The following MOB3B variants were observed in gnomAD, a reference collection of about 807,000 sequenced individuals.
MOB3B encodes the protein MOB kinase activator-like 2B.
MOB3B carries 7 observed loss-of-function variants against 18.7 expected under a neutral mutation model. The observed-to-expected ratio is 0.37, with a 90% CI of 0.21 to 0.70. The LOEUF (loss-of-function observed/expected upper bound fraction) is 0.70. Ranked by LOEUF, MOB3B falls within the 30% of genes least tolerant of loss-of-function variation. The pLI is 0.52. For missense variants in MOB3B, 253 were observed against 281.3 expected (o/e 0.90, Z 0.72); for synonymous variants, 111 against 99.9 (o/e 1.11, Z -0.66).
At chr9:27,485,129 A>G (rs577047362) in intron 1 of MOB3B, among the ~76,000 whole-genome samples, 1 of 152,368 alleles carries the variant, frequency 6.6e-6, no homozygotes, top group South Asian at 2.1e-4. Context: ...TATCAATAAC[A>G]ACAAGGATCA....
At chr9:27,474,818 T>G (rs186691975) in intron 1 of MOB3B, among the ~76,000 whole-genome samples, 3 of 152,356 alleles carry the variant, frequency 2.0e-5, no homozygotes, top group African/African-American at 7.2e-5. Context: ...TGTTAAAACA[T>G]GCGTACTTTT....
At chr9:27,449,707 G>A (rs890020176) in intron 2 of MOB3B, among the ~76,000 whole-genome samples, 5 of 152,134 alleles carry the variant, frequency 3.3e-5, no homozygotes, top group South Asian at 2.1e-4. Context: ...GGGAGATGTC[G>A]CTCATTATCT....
chr9:27,357,492 T>C (rs1343224737), intron 3 of MOB3B, among the ~76,000 whole-genome samples: 1 of 151,816 alleles, frequency 6.6e-6, no homozygotes, highest in Non-Finnish European at 1.5e-5. Context: ...AGGTATCAGA[T>C]AACTAGGAAT....
At chr9:27,359,275 G>A in intron 2 of MOB3B, 39 bp from the exon 3 acceptor site, 1 of 1,567,992 alleles carries the variant, frequency 6.4e-7, no homozygotes. Context: ...AAACCATGAT[G>A]GGATAGATCC....
At chr9:27,406,343 T>C (rs187933315) in intron 2 of MOB3B, among the ~76,000 whole-genome samples, 301 of 152,276 alleles carry the variant, frequency 2.0e-3, no homozygotes, top group Middle Eastern at 3.4e-3. Context: ...ATGCAATCCC[T>C]GTCATAACAC....
At chr9:27,515,558 T>C (rs2131503607) in intron 1 of MOB3B, among the ~76,000 whole-genome samples, 1 of 152,340 alleles carries the variant, frequency 6.6e-6, no homozygotes, top group East Asian at 1.9e-4. Context: ...TTAATAATTG[T>C]TAAATTAAAC....
chr9:27,503,355 G>A (rs1001419642), intron 1 of MOB3B, among the ~76,000 whole-genome samples: 10 of 152,284 alleles, frequency 6.6e-5, no homozygotes, highest in African/African-American at 9.6e-5. Context: ...CCAAATGCCC[G>A]AAAAGGGCAA....
chr9:27,437,958 A>C (rs990050473), intron 2 of MOB3B, among the ~76,000 whole-genome samples: 1 of 152,240 alleles, frequency 6.6e-6, no homozygotes, highest in Admixed American at 6.5e-5. Context: ...TCTCAAATGA[A>C]GGAGAAAGAC....
chr9:27,422,495 AT>A (rs1246438354), intron 2 of MOB3B, among the ~76,000 whole-genome samples: 5 of 152,364 alleles, frequency 3.3e-5, no homozygotes, highest in African/African-American at 1.2e-4. Flanking sequence ...AGTTAAAGTT[AT>A]TAATGGAATG....
intron 2 of MOB3B, among the ~76,000 whole-genome samples, chr9:27,376,946 A>G (rs1821497714): frequency 6.6e-6 from 1 of 152,168 alleles, no homozygotes; most frequent in Admixed American, 6.5e-5. Flanking sequence ...CTGGCTGAAG[A>G]TTTACAGAAT....
At chr9:27,452,239 C>T (rs1822802064) in intron 2 of MOB3B, among the ~76,000 whole-genome samples, 2 of 151,602 alleles carry the variant, frequency 1.3e-5, no homozygotes, top group African/African-American at 4.9e-5. Flanking sequence ...CATCCAATAA[C>T]TTGAAAGTTA....
At chr9:27,376,901 C>A (rs1212808165) in intron 2 of MOB3B, among the ~76,000 whole-genome samples, 1 of 152,228 alleles carries the variant, frequency 6.6e-6, no homozygotes, top group South Asian at 2.1e-4. Context: ...ATATTCCTGG[C>A]TCAAGGATCT....
intron 2 of MOB3B, among the ~76,000 whole-genome samples, chr9:27,377,618 C>T (rs1238084068): frequency 1.3e-5 from 2 of 152,128 alleles, no homozygotes; most frequent in Non-Finnish European, 2.9e-5. Context: ...AGAACTTGTG[C>T]TTCAAACAAG....
chr9:27,476,136 T>G (rs1819550089), intron 1 of MOB3B, among the ~76,000 whole-genome samples: 1 of 152,238 alleles, frequency 6.6e-6, no homozygotes, highest in African/African-American at 2.4e-5. Context: ...CACAGTGGCC[T>G]CCCTGATGTT....
intron 3 of MOB3B, among the ~76,000 whole-genome samples, chr9:27,355,784 G>A (rs140313963): frequency 2.0e-5 from 3 of 151,958 alleles, no homozygotes; most frequent in Non-Finnish European, 4.4e-5. Context: ...GGATGGTCTC[G>A]ATCTCCTGAC....
At chr9:27,436,211 G>A (rs551383500) in intron 2 of MOB3B, among the ~76,000 whole-genome samples, 3 of 152,336 alleles carry the variant, frequency 2.0e-5, no homozygotes, top group African/African-American at 7.2e-5. Flanking sequence ...ATGTGAGCTT[G>A]TACTTTGTAT....
chr9:27,521,061 T>C (rs1587276319), intron 1 of MOB3B, among the ~76,000 whole-genome samples: 3 of 152,172 alleles, frequency 2.0e-5, no homozygotes, highest in Admixed American at 6.5e-5. Context: ...TTACAGAACA[T>C]GGGGAATGGA....
chr9:27,485,241 T>G (rs1308647365), intron 1 of MOB3B, among the ~76,000 whole-genome samples: 13 of 152,216 alleles, frequency 8.5e-5, no homozygotes, highest in Non-Finnish European at 1.9e-4. Context: ...TCTTAACAGA[T>G]AAAGAAGCTG....
chr9:27,484,878 T>G (rs1399340090), intron 1 of MOB3B, among the ~76,000 whole-genome samples: 1 of 152,224 alleles, frequency 6.6e-6, no homozygotes, highest in Non-Finnish European at 1.5e-5. Context: ...ACAGTCAGGT[T>G]GAGGTATCCA....
Sources: allele counts gnomAD v4.1 joint callset (sites outside exome capture counted in the v4.1 genomes callset), GRCh38; gene constraint gnomAD v4.1.1; transcripts MANE v1.5; gene names NCBI Gene and HGNC (gene_info 2026-07-23, HGNC 2026-07-21).